The following ANXA4 variants were observed in gnomAD, a reference collection of about 807,000 sequenced individuals.
The protein encoded by ANXA4 is 35-beta calcimedin.
Under a neutral mutation model 49.8 loss-of-function variants are expected in ANXA4, and 39 were observed. The ratio of observed to expected loss-of-function variants is 0.78; its 90% CI spans 0.61 to 1.02. The LOEUF is 1.02. ANXA4 is among the 50% of genes least tolerant of loss of function. ANXA4 has a pLI of 0.00. For missense variants in ANXA4, 360 were observed against 410.1 expected, an observed-to-expected ratio of 0.88 and a Z score of 1.05; for synonymous variants, 134 against 152.5, an observed-to-expected ratio of 0.88 and a Z score of 0.89.
intron 3 of ANXA4, among the ~76,000 whole-genome samples, chr2:69,790,122 T>C (rs996564514): frequency 6.6e-6 from 1 of 152,138 alleles, no homozygotes; most frequent in East Asian, 1.9e-4. Context: ...CTGCATGAGG[T>C]TAGAAAGGGA....
At chr2:69,746,255 C>G (rs1052361976) in intron 1 of ANXA4, among the ~76,000 whole-genome samples, 2 of 151,828 alleles carry the variant, frequency 1.3e-5, no homozygotes, top group Non-Finnish European at 2.9e-5. Context: ...CATGATCCAC[C>G]CGCCTCGGCC....
chr2:69,771,834 A>G (rs1343227656), intron 1 of ANXA4, among the ~76,000 whole-genome samples: 1 of 152,240 alleles, frequency 6.6e-6, no homozygotes, highest in Non-Finnish European at 1.5e-5. Flanking sequence ...AATTATTTCC[A>G]TGAATTTATG....
At position 69,724,669 on chromosome 2, in the gene ANXA4, G is replaced by T. The variant is rs985437772; in HGVS notation, n.864+3798G>T. ...GTCCACTAGTGGAGAATTACCTTCT[G>T]CCAAGAGACCTTAGTTCTGTAAAAA... On this transcript the variant is annotated intron_variant and non_coding_transcript_variant, in intron 3 of 3. Transcript: ENST00000418066. Among the ~76,000 whole-genome samples the T allele has an allele frequency of 3.9e-5, 5 of 126,736 alleles. 1 individual carries two copies. Among genetic ancestry groups the T allele is most frequent in the East Asian group, 2.3e-4 (1 of 4,286 alleles). 83.1% of individuals were successfully genotyped at this position (126,736 alleles called of 152,430 possible). A position where few individuals can be genotyped will look rare whatever the true frequency, so the allele number is the denominator to read the frequency against.
upstream of ANXA4, among the ~76,000 whole-genome samples, chr2:69,740,543 T>C (rs891385687): frequency 2.0e-5 from 3 of 151,410 alleles, no homozygotes; most frequent in Non-Finnish European, 4.4e-5. Flanking sequence ...AACATTGAAC[T>C]CCTGGGTTTA....
intron 2 of ANXA4, among the ~76,000 whole-genome samples, chr2:69,655,759 CAA>C (rs1192715144): frequency 6.6e-6 from 1 of 152,082 alleles, no homozygotes; most frequent in Non-Finnish European, 1.5e-5. Flanking sequence ...TTCACAATAG[CAA>C]AGACTTGGAA....
rs964340722 is a variant in ANXA4, at chr2:69,781,363, A to G, written c.-46-157A>G. On this transcript the variant is annotated intron_variant, in intron 1 of 12. Transcript: ENST00000394295. ...TTTTAACAGTTTCTCTAATTAGCCCATTCCTTGTATCTTTGGCTAATCAGT... is the reference window on the plus strand; with the variant it reads ...TTTTAACAGTTTCTCTAATTAGCCCGTTCCTTGTATCTTTGGCTAATCAGT... 1.4e-4 allele frequency: 87 copies of G among 628,770 alleles called. No individual in the cohort carries two copies. In the Middle Eastern group the frequency reaches 2.0e-3, roughly 15 times the overall value. 38.9% of individuals were successfully genotyped at this position (628,770 alleles called of 1,614,324 possible).
intron 2 of ANXA4, among the ~76,000 whole-genome samples, chr2:69,688,718 G>C (rs1677870939): frequency 6.6e-6 from 1 of 152,126 alleles, no homozygotes; most frequent in Non-Finnish European, 1.5e-5. Flanking sequence ...AAAAATATTT[G>C]ATGTGTTTTA....
At chr2:69,661,688 C>T (rs963695026) in intron 2 of ANXA4, among the ~76,000 whole-genome samples, 1 of 152,076 alleles carries the variant, frequency 6.6e-6, no homozygotes, top group Non-Finnish European at 1.5e-5. Flanking sequence ...AGAAAGCTGA[C>T]TTTCAAACCA....
At chr2:69,724,427 A>C (rs561098235) in intron 3 of ANXA4, among the ~76,000 whole-genome samples, 26 of 152,280 alleles carry the variant, frequency 1.7e-4, no homozygotes, top group African/African-American at 5.5e-4. Context: ...CCCCCATATA[A>C]AAGAAGACTT....
chr2:69,689,255 A>G (rs1573104767), intron 2 of ANXA4, among the ~76,000 whole-genome samples: 3 of 151,764 alleles, frequency 2.0e-5, no homozygotes, highest in Admixed American at 2.0e-4. Context: ...TATCTTACTA[A>G]TTTTTTTATT....
intron 2 of ANXA4, among the ~76,000 whole-genome samples, chr2:69,678,835 G>T (rs1170236416): frequency 6.6e-6 from 1 of 152,082 alleles, no homozygotes; most frequent in Non-Finnish European, 1.5e-5. Flanking sequence ...TTAAAATCTT[G>T]TATACTGTTG....
intron 8 of ANXA4, among the ~76,000 whole-genome samples, chr2:69,813,938 A>C (rs917906775): frequency 6.6e-6 from 1 of 151,206 alleles, no homozygotes; most frequent in African/African-American, 2.4e-5. Flanking sequence ...TTGTATTTTT[A>C]ATAGAGATAG....
At chr2:69,816,054 G>A in intron 8 of ANXA4, 47 bp from the exon 9 acceptor site, 1 of 1,467,796 alleles carries the variant, frequency 6.8e-7, no homozygotes, top group East Asian at 2.3e-5. Flanking sequence ...CCTGTGTCCT[G>A]GCACATCGTT....
At chr2:69,650,989 T>C (rs540880801) in intron 1 of ANXA4, among the ~76,000 whole-genome samples, 14 of 152,198 alleles carry the variant, frequency 9.2e-5, no homozygotes, top group Non-Finnish European at 2.1e-4. Flanking sequence ...ACTGGAAATA[T>C]GATAAAGAAG....
Position 69,810,579 on chromosome 2 carries a change from T to C in ANXA4, c.398-15T>C, listed in dbSNP as rs775463722. ...ACTCTTAATTCTGAAGTAGCTAATT[T>C]CACTCTCTTGCTAGAATATGGACGG... On this transcript the variant is annotated splice_polypyrimidine_tract_variant and intron_variant, in intron 6 of 12. Transcript: ENST00000394295. 1.9e-6 allele frequency: 3 copies of C among 1,612,030 alleles called. No individual in the cohort carries two copies. In the South Asian group the frequency reaches 3.3e-5, roughly 18 times the overall value.
chr2:69,685,975 C>G (rs904642332), intron 2 of ANXA4, among the ~76,000 whole-genome samples: 1 of 151,978 alleles, frequency 6.6e-6, no homozygotes, highest in Non-Finnish European at 1.5e-5. Flanking sequence ...TGATAGCATG[C>G]CATTATGTGG....
At chr2:69,752,508 C>T (rs141617583) in intron 1 of ANXA4, among the ~76,000 whole-genome samples, 76 of 152,330 alleles carry the variant, frequency 5.0e-4, no homozygotes, top group African/African-American at 1.5e-3. Flanking sequence ...TATTCATCTT[C>T]GACATGGTCT....
chr2:69,662,196 C>G (rs531228362), intron 2 of ANXA4, among the ~76,000 whole-genome samples: 1 of 151,940 alleles, frequency 6.6e-6, no homozygotes, highest in South Asian at 2.1e-4. Context: ...TTGGTCTCAA[C>G]TGGCACTGTA....
intron 1 of ANXA4, among the ~76,000 whole-genome samples, chr2:69,752,965 T>G (rs905367439): frequency 6.6e-6 from 1 of 152,240 alleles, no homozygotes; most frequent in Non-Finnish European, 1.5e-5. Context: ...TTACTCTGCT[T>G]GGAAAATTCT....
Sources: allele counts gnomAD v4.1 joint callset (sites outside exome capture counted in the v4.1 genomes callset), GRCh38; gene constraint gnomAD v4.1.1; transcripts MANE v1.5; gene names NCBI Gene and HGNC (gene_info 2026-07-23, HGNC 2026-07-21).